PPFIBP2: variants seen among roughly 807,000 people sequenced by gnomAD.
PPFIBP2 encodes liprin-beta-2.
A neutral mutation model predicts 118.3 loss-of-function variants in PPFIBP2; 118 were observed. The ratio of observed to expected loss-of-function variants is 1.00; its 90% CI spans 0.86 to 1.16. The LOEUF (loss-of-function observed/expected upper bound fraction) is 1.16, where lower values mean the gene tolerates loss of function less well. Ranked by LOEUF, PPFIBP2 falls within the 50% of genes most tolerant of loss-of-function variation. The pLI is 0.00. For missense variants in PPFIBP2, 1,195 were observed against 1,073.1 expected (o/e 1.11, Z -1.59); for synonymous variants, 414 against 397.4 (o/e 1.04, Z -0.50).
At chr11:7,665,051 G>T in the PPFIBP2 span, 2 of 195,256 alleles carry the variant, frequency 1.0e-5, no homozygotes, top group South Asian at 1.2e-4. Flanking sequence ...GCCAGGCCAC[G>T]GCCTCCTGAC....
chr11:7,548,700 A>G (rs1240436895), intron 1 of PPFIBP2, among the ~76,000 whole-genome samples: 2 of 152,166 alleles, frequency 1.3e-5, no homozygotes, highest in Non-Finnish European at 2.9e-5. Context: ...CCCCTTTGCT[A>G]TAGCTAGGGG....
At chr11:7,629,112 T>A (rs1850414182) in intron 9 of PPFIBP2, among the ~76,000 whole-genome samples, 1 of 152,230 alleles carries the variant, frequency 6.6e-6, no homozygotes. Context: ...ATTTTAGTCT[T>A]TTTTTGTGTC....
At chr11:7,518,837 G>T (rs918389617) in intron 1 of PPFIBP2, among the ~76,000 whole-genome samples, 1 of 152,248 alleles carries the variant, frequency 6.6e-6, no homozygotes, top group South Asian at 2.1e-4. Flanking sequence ...GCTGAAGTGA[G>T]GGTGGGGCAT....
At chr11:7,617,138 G>T (rs931051327) in intron 6 of PPFIBP2, 5 of 985,258 alleles carry the variant, frequency 5.1e-6, no homozygotes. Context: ...TCAGTGAGCT[G>T]CAGGAGCAGA....
chr11:7,588,545 G>A (rs987311481), intron 3 of PPFIBP2, among the ~76,000 whole-genome samples: 1 of 152,150 alleles, frequency 6.6e-6, no homozygotes, highest in African/African-American at 2.4e-5. Flanking sequence ...GGGTCTTACA[G>A]AAACAGACCC....
chr11:7,605,751 T>A, intron 5 of PPFIBP2: 1 of 1,341,956 alleles, frequency 7.5e-7, no homozygotes, highest in Non-Finnish European at 9.5e-7. Context: ...AAATTAGAGG[T>A]TGAGTGAGCA....
chr11:7,655,329 T>A, downstream of PPFIBP2: 1 of 840,866 alleles, frequency 1.2e-6, no homozygotes, highest in South Asian at 1.5e-5. Flanking sequence ...CAGAGAAGCA[T>A]GCCCTGGAGA....
At chr11:7,589,549 C>T (rs1044708792) in intron 3 of PPFIBP2, among the ~76,000 whole-genome samples, 45 of 151,772 alleles carry the variant, frequency 3.0e-4, no homozygotes, top group African/African-American at 1.1e-3. Flanking sequence ...GCCTAGATCG[C>T]ACCACTGCAC....
chr11:7,516,944 G>T (rs1849281553), intron 1 of PPFIBP2, among the ~76,000 whole-genome samples: 1 of 152,188 alleles, frequency 6.6e-6, no homozygotes, highest in Admixed American at 6.5e-5. Context: ...GGGAAAAGGG[G>T]TGACTTTCTC....
intron 6 of PPFIBP2, among the ~76,000 whole-genome samples, chr11:7,618,969 C>G (rs1849026211): frequency 6.6e-6 from 1 of 150,754 alleles, no homozygotes; most frequent in African/African-American, 2.4e-5. Context: ...AAAAAATGAC[C>G]CTACAAAATT....
At chr11:7,626,018 C>G (rs1849957815) in intron 8 of PPFIBP2, 127 bp downstream of exon 8, 1 of 777,088 alleles carries the variant, frequency 1.3e-6, no homozygotes, top group African/African-American at 1.7e-5. Flanking sequence ...AATGGACATG[C>G]ATGTATGTGT....
At position 7,648,609 on chromosome 11, in the gene PPFIBP2, C is replaced by G. The variant is rs1853494349; in HGVS notation, c.1797+72C>G. The G allele has an allele frequency of 2.5e-6, 4 of 1,580,188 alleles. No individual in the cohort carries two copies. The Admixed American group carries it at 6.7e-5, about 27-fold the overall frequency. On this transcript the variant is annotated intron_variant, in intron 18 of 23. Coordinates refer to ENST00000299492, the MANE Select transcript of PPFIBP2 (RefSeq NM_003621.5). ...CATGGGGAGGCCAGGGTCCGCCACT[C>G]CTGTCACACATACACACAGGAGGAT...
At chr11:7,602,785 T>G (rs12292613) in intron 5 of PPFIBP2, among the ~76,000 whole-genome samples, 27,130 of 152,122 alleles carry the variant, frequency 0.18, 3,234 homozygotes, top group African/African-American at 0.33. Flanking sequence ...TCATTTTTTT[T>G]ACTTTTAGGT....
At chr11:7,664,876 G>C in the PPFIBP2 span, among the ~76,000 whole-genome samples, 2 of 144,686 alleles carry the variant, frequency 1.4e-5, no homozygotes, top group African/African-American at 2.6e-5. Flanking sequence ...TCTGGAACCT[G>C]ACTTTGAAAG....
chr11:7,643,143 G>A (rs900717642), intron 17 of PPFIBP2, among the ~76,000 whole-genome samples: 1 of 152,156 alleles, frequency 6.6e-6, no homozygotes, highest in African/African-American at 2.4e-5. Context: ...CTTAGAAAGT[G>A]AGCCAGGGAA....
the PPFIBP2 span, chr11:7,665,375 T>C: frequency 6.4e-7 from 1 of 1,560,190 alleles, no homozygotes; most frequent in African/African-American, 1.4e-5. Context: ...GTGGAGGTGT[T>C]AGTAGGTGAA....
intron 18 of PPFIBP2, 75 bp downstream of exon 18, chr11:7,648,612 G>A (rs1051378718): frequency 6.3e-7 from 1 of 1,578,674 alleles, no homozygotes; most frequent in Non-Finnish European, 8.7e-7. Context: ...CGCCACTCCT[G>A]TCACACATAC....
At chr11:7,581,999 G>C (rs1036242400) in intron 3 of PPFIBP2, among the ~76,000 whole-genome samples, 1 of 152,072 alleles carries the variant, frequency 6.6e-6, no homozygotes, top group African/African-American at 2.4e-5. Flanking sequence ...GCCATGCCCA[G>C]CTAATTTTTT....
At chr11:7,663,433 G>A in the PPFIBP2 span, among the ~76,000 whole-genome samples, 5 of 152,094 alleles carry the variant, frequency 3.3e-5, no homozygotes, top group South Asian at 4.1e-4. Flanking sequence ...TGCCCCTGCT[G>A]GGGGGTGCCT....
Sources: allele counts gnomAD v4.1 joint callset (sites outside exome capture counted in the v4.1 genomes callset), GRCh38; gene constraint gnomAD v4.1.1; transcripts MANE v1.5; gene names NCBI Gene and HGNC (gene_info 2026-07-23, HGNC 2026-07-21).